Variants in MRPL52 observed in about 807,000 individuals in gnomAD.
The protein encoded by MRPL52 is mitochondrial ribosomal protein L52, also known as large ribosomal subunit protein mL52.
In MRPL52, 19 loss-of-function variants were observed where a neutral mutation model predicts 22.1. The observed-to-expected ratio is 0.86, with a 90% CI of 0.60 to 1.26. The LOEUF is 1.26. MRPL52 is among the 50% of genes most tolerant of loss of function. MRPL52 has a pLI of 0.00. For missense variants in MRPL52, 152 were observed against 148.1 expected (o/e 1.03, Z -0.14); for synonymous variants, 50 against 57.5 (o/e 0.87, Z 0.59).
intron 4 of MRPL52, among the ~76,000 whole-genome samples, chr14:22,833,807 G>T (rs2039678796): frequency 6.6e-6 from 1 of 152,156 alleles, no homozygotes; most frequent in South Asian, 2.1e-4. Flanking sequence ...TTTTAGTAGA[G>T]ACAGGGTTTT....
chr14:22,833,298 G>A, intron 3 of MRPL52, 120 bp from the exon 4 acceptor site: 2 of 695,046 alleles, frequency 2.9e-6, no homozygotes, highest in Non-Finnish European at 2.6e-6. Flanking sequence ...AAGCTACAAT[G>A]TATATGAAAT....
intron 3 of MRPL52, 153 bp from the exon 4 acceptor site, chr14:22,833,265 G>T: frequency 1.6e-6 from 1 of 613,870 alleles, no homozygotes; most frequent in Non-Finnish European, 3.0e-6. Flanking sequence ...CCTTGAAGAT[G>T]ATGGACATAT....
chr14:22,830,334 A>T, intron 3 of MRPL52, 80 bp downstream of exon 3: 1 of 1,449,014 alleles, frequency 6.9e-7, no homozygotes. Flanking sequence ...AGCTGGGGGT[A>T]TCAAGGTGGG....
intron 3 of MRPL52, among the ~76,000 whole-genome samples, chr14:22,832,949 G>A (rs995132737): frequency 2.6e-5 from 4 of 152,064 alleles, no homozygotes; most frequent in Non-Finnish European, 5.9e-5. Flanking sequence ...GGAGGCCGAG[G>A]CAGGTGGATC....
At chr14:22,830,894 T>C in intron 3 of MRPL52, 1 of 1,124,290 alleles carries the variant, frequency 8.9e-7, no homozygotes, top group Non-Finnish European at 1.3e-6. Context: ...AATCCAGGAC[T>C]AGAACATAGG....
At chr14:22,831,628 T>C (rs1303380082) in intron 3 of MRPL52, 1 of 152,260 alleles carries the variant, frequency 6.6e-6, no homozygotes, top group Non-Finnish European at 1.5e-5. Flanking sequence ...TTCTCTGTCT[T>C]GCCTTCAAAC....
chr14:22,832,129 A>G (rs895143006), intron 3 of MRPL52: 1 of 152,234 alleles, frequency 6.6e-6, no homozygotes, highest in Admixed American at 6.5e-5. Flanking sequence ...AAATAGGTGA[A>G]TATTAAATAT....
chr14:22,832,336 T>C (rs1212957005), intron 3 of MRPL52, among the ~76,000 whole-genome samples: 2 of 151,940 alleles, frequency 1.3e-5, no homozygotes, highest in Non-Finnish European at 2.9e-5. Flanking sequence ...AGTTTCTGGT[T>C]TTTTTTGTTT....
At chr14:22,831,114 T>TTTTTTTTTTTTG (rs2039606130) in intron 3 of MRPL52, 1 of 580,072 alleles carries the variant, frequency 1.7e-6, no homozygotes. Flanking sequence ...TGCTTTTTTT[T>TTTTTTTTTTTTG]TTTTTTTTTT....
chr14:22,832,843 C>T (rs2039652609), intron 3 of MRPL52, among the ~76,000 whole-genome samples: 1 of 151,872 alleles, frequency 6.6e-6, no homozygotes, highest in Non-Finnish European at 1.5e-5. Flanking sequence ...CATGCCATTG[C>T]ACTCCAGCCT....
intron 3 of MRPL52, chr14:22,832,126 T>G (rs1034924094): frequency 6.6e-6 from 1 of 152,112 alleles, no homozygotes; most frequent in Non-Finnish European, 1.5e-5. Context: ...GGCAAATAGG[T>G]GAATATTAAA....
Position 22,829,960 on chromosome 14 carries a change from G to T in MRPL52, c.28+20G>T. 1 of 1,611,590 alleles carries T rather than the reference G, an allele frequency of 6.2e-7. No homozygotes were observed. On this transcript the variant is annotated intron_variant, in intron 1 of 4. Coordinates refer to ENST00000397496, the MANE Select transcript of MRPL52 (RefSeq NM_180982.3). Reference sequence around the variant, plus strand: ...TCTTCAGTGAGTGGGTATAGATAGGGACCGTGGACTCGGGGGCCCTTTGGG... The same window carrying T: ...TCTTCAGTGAGTGGGTATAGATAGGTACCGTGGACTCGGGGGCCCTTTGGG...
Position 22,830,183 on chromosome 14 carries a change from A to G in MRPL52, c.87-4A>G. On this transcript the variant is annotated splice_polypyrimidine_tract_variant and splice_region_variant and intron_variant, in intron 2 of 4. Coordinates refer to ENST00000397496, the MANE Select transcript of MRPL52 (RefSeq NM_180982.3). ...TCCTCACAGATCTGTTTTTCTCCAC[A>G]CAGGCAGGGACTGGCTGCCAACCCC... The G allele has an allele frequency of 6.2e-7, 1 of 1,614,188 alleles. No individual in the cohort carries two copies. Among genetic ancestry groups the G allele is most frequent in the Non-Finnish European group, 8.5e-7 (1 of 1,180,020 alleles).
Position 22,829,949 on chromosome 14 carries a change from G to C in MRPL52, c.28+9G>C. ...AGGGACTGTTCTCTTCAGTGAGTGG[G>C]TATAGATAGGGACCGTGGACTCGGG... On this transcript the variant is annotated intron_variant, in intron 1 of 4. Transcript: ENST00000397496. The C allele has an allele frequency of 6.2e-7, 1 of 1,610,416 alleles. No individual in the cohort carries two copies. The highest frequency in any genetic ancestry group is 8.5e-7 in the Non-Finnish European group (1 of 1,178,256).
At chr14:22,833,988 C>T (rs1344254297) in intron 4 of MRPL52, among the ~76,000 whole-genome samples, 184 bp from the exon 5 acceptor site, 1 of 152,226 alleles carries the variant, frequency 6.6e-6, no homozygotes, top group Non-Finnish European at 1.5e-5. Flanking sequence ...GGACAGGAAC[C>T]AGTAGTAGAC....
intron 3 of MRPL52, chr14:22,831,052 A>G: frequency 7.2e-7 from 1 of 1,397,530 alleles, no homozygotes; most frequent in Non-Finnish European, 9.6e-7. Flanking sequence ...GAAGCCTGGC[A>G]TCTCCTTGTA....
At chr14:22,830,514 G>T in intron 3 of MRPL52, 1 of 514,108 alleles carries the variant, frequency 1.9e-6, no homozygotes, top group South Asian at 2.7e-5. Context: ...AGGGTGGAAG[G>T]GGGTGACAAG....
In MRPL52 at chr14:22,829,954, G is replaced by A; in HGVS notation, c.28+14G>A. 6.2e-7 allele frequency: 1 copy of A among 1,607,106 alleles called. No individual in the cohort carries two copies. Among genetic ancestry groups the A allele is most frequent in the Middle Eastern group, 1.7e-4 (1 of 6,046 alleles). ...CTGTTCTCTTCAGTGAGTGGGTATA[G>A]ATAGGGACCGTGGACTCGGGGGCCC... On this transcript the variant is annotated intron_variant, in intron 1 of 4. Transcript: ENST00000397496.
chr14:22,832,606 C>T (rs1012276468), intron 3 of MRPL52, among the ~76,000 whole-genome samples: 5 of 152,050 alleles, frequency 3.3e-5, no homozygotes, highest in Non-Finnish European at 7.4e-5. Context: ...TCCCAAAGTG[C>T]TGGGATCACA....
Sources: allele counts gnomAD v4.1 joint callset (sites outside exome capture counted in the v4.1 genomes callset), GRCh38; gene constraint gnomAD v4.1.1; transcripts MANE v1.5; gene names NCBI Gene and HGNC (gene_info 2026-07-23, HGNC 2026-07-21).